PCSK5: variants seen among roughly 807,000 people sequenced by gnomAD.
The protein encoded by PCSK5 is prohormone convertase 5.
A neutral mutation model predicts 233.2 loss-of-function variants in PCSK5; 129 were observed. That is an observed-to-expected ratio of 0.55 (90% CI 0.48 to 0.64). The LOEUF (loss-of-function observed/expected upper bound fraction) is 0.64. PCSK5 is among the 30% of genes least tolerant of loss of function. The pLI is 0.00. For synonymous variants in PCSK5, 825 were observed against 879.2 expected (o/e 0.94, Z 1.09); for missense variants, 2,076 against 2,430.1 (o/e 0.85, Z 3.06).
intron 20 of PCSK5, among the ~76,000 whole-genome samples, chr9:76,202,459 G>C (rs1331204673): frequency 3.9e-5 from 6 of 152,200 alleles, no homozygotes; most frequent in African/African-American, 1.4e-4. Flanking sequence ...TGACTTCCCA[G>C]TTCCCTAGGA....
At chr9:76,106,787 C>G (rs1311508570) in intron 8 of PCSK5, among the ~76,000 whole-genome samples, 1 of 152,194 alleles carries the variant, frequency 6.6e-6, no homozygotes, top group African/African-American at 2.4e-5. Flanking sequence ...CCCAAGGTAA[C>G]AGTTCTAGGC....
intron 8 of PCSK5, 110 bp downstream of exon 8, chr9:76,096,212 C>CAT: frequency 1.5e-6 from 1 of 683,664 alleles, no homozygotes. Context: ...CACACACACA[C>CAT]ACAGAAGTAA....
intron 2 of PCSK5, among the ~76,000 whole-genome samples, chr9:75,944,446 A>G (rs1056805468): frequency 2.0e-5 from 3 of 152,062 alleles, no homozygotes; most frequent in South Asian, 2.1e-4. Context: ...CAAAGCAACA[A>G]TGCTTTGATA....
chr9:76,004,406 T>C (rs1027271168), intron 3 of PCSK5, among the ~76,000 whole-genome samples: 1 of 152,210 alleles, frequency 6.6e-6, no homozygotes, highest in Non-Finnish European at 1.5e-5. Context: ...ACTTGGTGGA[T>C]TGAGATGATA....
At chr9:76,194,872 T>C (rs1824612569) in intron 20 of PCSK5, 2 of 377,974 alleles carry the variant, frequency 5.3e-6, no homozygotes, top group South Asian at 2.1e-5. Flanking sequence ...ACTTAGAAGA[T>C]GCTGCTGGAG....
intron 20 of PCSK5, chr9:76,205,140 AT>A (rs753326436): frequency 3.7e-5 from 19 of 518,756 alleles, no homozygotes; most frequent in African/African-American, 3.5e-4. Context: ...ATTGTCAGGT[AT>A]TTTTTCCCCC....
intron 24 of PCSK5, among the ~76,000 whole-genome samples, chr9:76,262,395 A>G (rs1587815431): frequency 6.6e-6 from 1 of 152,346 alleles, no homozygotes; most frequent in African/African-American, 2.4e-5. Flanking sequence ...GGCTACAGTA[A>G]CCAAAACAGC....
chr9:75,909,690 C>T lies in PCSK5; in HGVS notation c.192+18317C>T, dbSNP rs564866602. Among the ~76,000 whole-genome samples, 7 of 151,866 alleles carry T rather than the reference C, an allele frequency of 4.6e-5. No homozygotes were observed. In the East Asian group the frequency reaches 5.8e-4, roughly 13 times the overall value. ...AGCCTGGGTAACAAGAGCAAGACTCCGTCTCAAGAAAAAAAATGCCCTCAG... is the reference window on the plus strand; with the variant it reads ...AGCCTGGGTAACAAGAGCAAGACTCTGTCTCAAGAAAAAAAATGCCCTCAG... On this transcript the variant is annotated intron_variant, in intron 1 of 37. Coordinates refer to ENST00000674117, the MANE Select transcript of PCSK5 (RefSeq NM_001372043.1).
At chr9:76,233,773 C>G (rs891959218) in intron 22 of PCSK5, among the ~76,000 whole-genome samples, 177 bp downstream of exon 22, 1 of 152,194 alleles carries the variant, frequency 6.6e-6, no homozygotes, top group Non-Finnish European at 1.5e-5. Context: ...ACACAAAAAG[C>G]TTGTTCACCT....
At chr9:76,097,246 CTT>C in intron 8 of PCSK5, among the ~76,000 whole-genome samples, 1 of 67,344 alleles carries the variant, frequency 1.5e-5, no homozygotes, top group East Asian at 5.2e-4. Flanking sequence ...AAGTGCATTT[CTT>C]TTTTTTTTTT....
At chr9:76,057,870 A>G (rs1442504357) in intron 5 of PCSK5, among the ~76,000 whole-genome samples, 1 of 116,112 alleles carries the variant, frequency 8.6e-6, no homozygotes, top group Non-Finnish European at 1.6e-5. Context: ...ACAGGGTCTC[A>G]CTGTTGCCCA....
Position 76,184,728 on chromosome 9 carries a change from T to A in PCSK5, c.2253T>A (p.His751Gln). Residue 751 changes from histidine to glutamine, a missense_variant, in exon 17 of 38, where the codon CAT becomes CAA. By Grantham distance (24) the His-to-Gln change is conservative. Coordinates refer to ENST00000674117, the MANE Select transcript of PCSK5 (RefSeq NM_001372043.1). ...ACTGCAAGACATGTACTGAATTCCA[T>A]AACTGTACAGAATGTAGGGATGGGT... Reference protein sequence around the residue: ...SENCKTCTEFHNCTECRDGLS... With the variant: ...SENCKTCTEFQNCTECRDGLS... 6.2e-7 allele frequency: 1 copy of A among 1,609,136 alleles called. No individual in the cohort carries two copies. Among genetic ancestry groups the A allele is most frequent in the Non-Finnish European group, 8.5e-7 (1 of 1,175,798 alleles).
chr9:75,963,409 A>G (rs574704208), intron 2 of PCSK5, among the ~76,000 whole-genome samples: 196 of 152,370 alleles, frequency 1.3e-3, no homozygotes, highest in African/African-American at 4.5e-3. Context: ...AATAAGAATT[A>G]TAGAGCGGCA....
chr9:76,359,191 C>A lies in PCSK5; in HGVS notation c.*269C>A. The A allele has an allele frequency of 4.8e-6, 2 of 417,320 alleles. No individual in the cohort carries two copies. Among genetic ancestry groups the A allele is most frequent in the East Asian group, 3.9e-5 (1 of 25,612 alleles). 25.9% of individuals were successfully genotyped at this position (417,320 alleles called of 1,614,324 possible). A position where few individuals can be genotyped will look rare whatever the true frequency, so the allele number is the denominator to read the frequency against. On this transcript the variant is annotated 3_prime_UTR_variant, in exon 38 of 38. Transcript: ENST00000674117. The stretch of plus-strand genomic sequence containing the variant: ...TTCCTCAAAATAATGTGTTAAGACA[C>A]AAAAATGAAGGAAGTGAAAACAAAT...
At chr9:76,325,440 A>G (rs1188663885) in intron 32 of PCSK5, among the ~76,000 whole-genome samples, 3 of 152,194 alleles carry the variant, frequency 2.0e-5, no homozygotes, top group East Asian at 1.9e-4. Context: ...CCTGCACCCA[A>G]CATTCTAATT....
intron 3 of PCSK5, among the ~76,000 whole-genome samples, chr9:75,992,572 TACAC>T (rs34250537): frequency 6.6e-6 from 1 of 150,624 alleles, no homozygotes; most frequent in Non-Finnish European, 1.5e-5. Context: ...TAACTTTAAA[TACAC>T]ACACACACAC....
chr9:76,152,744 C>T (rs894448838), intron 10 of PCSK5, among the ~76,000 whole-genome samples: 5 of 152,116 alleles, frequency 3.3e-5, no homozygotes, highest in Non-Finnish European at 5.9e-5. Context: ...CTTCTTATGC[C>T]CAGAAACTTC....
intron 32 of PCSK5, among the ~76,000 whole-genome samples, chr9:76,325,633 C>T (rs1829337324): frequency 7.0e-6 from 1 of 143,532 alleles, no homozygotes; most frequent in African/African-American, 2.7e-5. Flanking sequence ...CCTACAATGA[C>T]ATTGCACTTT....
At chr9:76,198,616 G>T (rs1824789583) in intron 20 of PCSK5, among the ~76,000 whole-genome samples, 1 of 152,148 alleles carries the variant, frequency 6.6e-6, no homozygotes, top group Non-Finnish European at 1.5e-5. Context: ...AGGCAAGGGG[G>T]TAAGAGCCTT....
Sources: allele counts gnomAD v4.1 joint callset (sites outside exome capture counted in the v4.1 genomes callset), GRCh38; gene constraint gnomAD v4.1.1; transcripts MANE v1.5; gene names NCBI Gene and HGNC (gene_info 2026-07-23, HGNC 2026-07-21).